Variants in CYP27C1 observed in about 807,000 individuals in gnomAD.
The protein encoded by CYP27C1 is cytochrome P450 27C1.
Under a neutral mutation model 40.6 loss-of-function variants are expected in CYP27C1, and 29 were observed. The ratio of observed to expected loss-of-function variants is 0.71; its 90% CI spans 0.53 to 0.97. The LOEUF is 0.97. Among genes scored for constraint, CYP27C1 ranks in the 50% least tolerant of loss-of-function variants. The pLI is 0.00. For missense variants in CYP27C1, 390 were observed against 485.8 expected (o/e 0.80, Z 1.85); for synonymous variants, 198 against 186.8 (o/e 1.06, Z -0.49).
At position 127,187,234 on chromosome 2, in the gene CYP27C1, C is replaced by T; in HGVS notation, c.*37G>A. Reference sequence around the variant, plus strand: ...CAAATACCCACTGTGTGTCGGCGAGCTGGTCTGCTACATCAGCCCAGGTTT... The same window carrying T: ...CAAATACCCACTGTGTGTCGGCGAGTTGGTCTGCTACATCAGCCCAGGTTT... On this transcript the variant is annotated 3_prime_UTR_variant, in exon 9 of 9. Transcript: ENST00000664447. 1.3e-6 allele frequency: 2 copies of T among 1,540,574 alleles called. No individual in the cohort carries two copies. The highest frequency in any genetic ancestry group is 1.8e-6 in the Non-Finnish European group (2 of 1,113,798).
intron 5 of CYP27C1, among the ~76,000 whole-genome samples, chr2:127,197,327 G>A (rs942909670): frequency 6.6e-6 from 1 of 152,146 alleles, no homozygotes; most frequent in African/African-American, 2.4e-5. Flanking sequence ...TGCTGTGTGG[G>A]TTTGTTTTTG....
Position 127,200,688 on chromosome 2 carries a change from G to A in CYP27C1, c.883+434C>T, listed in dbSNP as rs767735301. On this transcript the variant is annotated intron_variant, in intron 4 of 8. Coordinates refer to ENST00000664447, the MANE Select transcript of CYP27C1 (RefSeq NM_001367502.1). The surrounding 1 kb of genome is among the most constrained non-coding windows in gnomAD (Gnocchi z 4.2). ...TTGAAAAACAAATCCATGGCCAGGC[G>A]TGGTGGCTCACACTTGTAATCCCAG... 2.6e-5 allele frequency among the ~76,000 whole-genome samples: 4 copies of A among 152,052 alleles called. No individual in the cohort carries two copies. The highest frequency in any genetic ancestry group is 1.5e-5 in the Non-Finnish European group (1 of 68,010).
At chr2:127,202,104 A>T (rs1683047788) in intron 3 of CYP27C1, among the ~76,000 whole-genome samples, 1 of 151,502 alleles carries the variant, frequency 6.6e-6, no homozygotes, top group African/African-American at 2.4e-5. Context: ...TTTTACACAA[A>T]CATCACCATG....
intron 1 of CYP27C1, among the ~76,000 whole-genome samples, chr2:127,215,597 T>C (rs1330066458): frequency 6.6e-6 from 1 of 151,964 alleles, no homozygotes; most frequent in Non-Finnish European, 1.5e-5. Flanking sequence ...AGGCCGGCCA[T>C]AATGGCTCAG....
chr2:127,187,771 C>T (rs992197769), intron 8 of CYP27C1, among the ~76,000 whole-genome samples: 2 of 152,168 alleles, frequency 1.3e-5, no homozygotes, highest in Non-Finnish European at 2.9e-5. Flanking sequence ...AGTGAAATTC[C>T]GGGTTTCCTG....
At chr2:127,198,188 C>CACACAA (rs1349705154) in intron 5 of CYP27C1, among the ~76,000 whole-genome samples, 1 of 138,380 alleles carries the variant, frequency 7.2e-6, no homozygotes, top group Admixed American at 7.2e-5. Flanking sequence ...TTTGTTGATA[C>CACACAA]ACACACACAC....
chr2:127,217,501 G>A (rs1165830294), intron 1 of CYP27C1, among the ~76,000 whole-genome samples: 3 of 152,248 alleles, frequency 2.0e-5, no homozygotes, highest in Admixed American at 6.5e-5. Flanking sequence ...TCTCCTTTAC[G>A]GATGAGAAAA....
At position 127,199,409 on chromosome 2, in the gene CYP27C1, G is replaced by T. The variant is rs372803782; in HGVS notation, c.1014C>A (p.Asn338Lys). The T allele has an allele frequency of 2.5e-6, 4 of 1,614,180 alleles. No individual in the cohort carries two copies. Among genetic ancestry groups the T allele is most frequent in the Non-Finnish European group, 3.4e-6 (4 of 1,180,038 alleles). ...QALTLQEIYA[N>K]VTEMLLAGVD... ...CGCCGGCCAGCAGCATCTCAGTCAC[G>T]TTGGCGTAGATCTCCTGCAGCGTCA... The change falls in exon 5 of 9, where the codon AAC becomes AAA. Residue 338 changes from asparagine (N) to lysine (K), a missense_variant. Physicochemically the swap from Asn to Lys is moderately conservative, Grantham distance 94. Coordinates refer to ENST00000664447, the MANE Select transcript of CYP27C1 (RefSeq NM_001367502.1).
rs149169163 is a variant in CYP27C1 at position 127,209,061 on chromosome 2, T to C, written c.283-2971A>G. Among the ~76,000 whole-genome samples, 1,180 of 152,228 alleles carry C rather than the reference T, an allele frequency of 7.8e-3. 20 individuals carry two copies. Among genetic ancestry groups the C allele is most frequent in the African/African-American group, 0.027 (1,133 of 41,530 alleles). ...CACCCAACTGGGTGAGACCCTCCAA[T>C]AGGGGTTGTCAGATACCCTATACAG... is the stretch of plus-strand genomic sequence containing the variant. On this transcript the variant is annotated intron_variant, in intron 1 of 8. Transcript: ENST00000664447. The surrounding 1 kb of genome is among the most constrained non-coding windows in gnomAD (Gnocchi z 4.1).
chr2:127,191,512 A>G (rs1363281489), intron 8 of CYP27C1, among the ~76,000 whole-genome samples: 1 of 152,144 alleles, frequency 6.6e-6, no homozygotes, highest in East Asian at 1.9e-4. Context: ...TGCGGGAGGC[A>G]CAGCAGCATT....
chr2:127,189,642 A>G (rs902070628), intron 8 of CYP27C1, among the ~76,000 whole-genome samples: 2 of 148,704 alleles, frequency 1.3e-5, no homozygotes, highest in Non-Finnish European at 3.0e-5. Flanking sequence ...AAAAAAAGAA[A>G]GGCTCCACTG....
At chr2:127,217,075 G>A (rs1442412427) in intron 1 of CYP27C1, among the ~76,000 whole-genome samples, 3 of 152,216 alleles carry the variant, frequency 2.0e-5, no homozygotes, top group Non-Finnish European at 4.4e-5. Context: ...GAACTACTGG[G>A]AAATGGGCCA....
intron 1 of CYP27C1, among the ~76,000 whole-genome samples, chr2:127,210,206 A>T (rs779257944): frequency 6.6e-6 from 1 of 152,218 alleles, no homozygotes; most frequent in Non-Finnish European, 1.5e-5. Context: ...ATTGGGGGCC[A>T]ATATTCAACA....
Position 127,220,230 on chromosome 2 carries a change from G to A in CYP27C1, c.41C>T (p.Pro14Leu), listed in dbSNP as rs1316570065. Among the ~76,000 whole-genome samples, 1 of 151,384 alleles carries A rather than the reference G, an allele frequency of 6.6e-6. No homozygotes were observed. The highest frequency in any genetic ancestry group is 2.1e-4 in the South Asian group (1 of 4,832). ...CAGGAGCCCACCCCGCTCGGGCGCC[G>A]GCCGCAGCCCGGCTCTCAGGATCCG... ...LARILRAGLR[P>L]APERGGLLGG... Residue 14 changes from proline (P) to leucine (L), a missense_variant, in exon 1 of 9, where the codon CCG (proline) becomes CTG (leucine). Pro to Leu is a moderately conservative substitution (Grantham distance 98, BLOSUM62 -3). Transcript: ENST00000664447. This position sits in a 1 kb window ranked among gnomAD's most constrained non-coding sequence, Gnocchi z 4.6.
At position 127,195,329 on chromosome 2, in the gene CYP27C1, T is replaced by C. The variant is rs2104679321; in HGVS notation, c.1214+6A>G. The C allele has an allele frequency of 6.2e-7, 1 of 1,613,632 alleles. No individual in the cohort carries two copies. Among genetic ancestry groups the C allele is most frequent in the East Asian group, 2.2e-5 (1 of 44,844 alleles). On this transcript the variant is annotated splice_donor_region_variant and intron_variant, in intron 6 of 8. Coordinates refer to ENST00000664447, the MANE Select transcript of CYP27C1 (RefSeq NM_001367502.1). The surrounding 1 kb of genome is among the most constrained non-coding windows in gnomAD (Gnocchi z 6.2). ...GTTTGTTGACGGATTCTGGCGAGCC[T>C]TTTACCTCAGGGTTTCCTTAAGGAG...
Position 127,184,201 on chromosome 2 carries a change from T to G in CYP27C1, c.*3070A>C, listed in dbSNP as rs1239195554. The G allele has an allele frequency of 6.6e-6, 1 of 152,192 alleles. No individual in the cohort carries two copies. Among genetic ancestry groups the G allele is most frequent in the African/African-American group, 2.4e-5 (1 of 41,416 alleles). 9.4% of individuals were successfully genotyped at this position (152,192 alleles called of 1,614,324 possible). On this transcript the variant is annotated 3_prime_UTR_variant, in exon 9 of 9. Transcript: ENST00000664447. ...AAATACACACAGTCAGCATTCAAAT[T>G]TCCCCGAGTTGCTCTCTTTTTTTCA...
In CYP27C1 at chr2:127,201,023, ATCCTCT is replaced by A; in HGVS notation, c.883+93_883+98del. On this transcript the variant is annotated intron_variant, in intron 4 of 8. Transcript: ENST00000664447. This position sits in a 1 kb window ranked among gnomAD's most constrained non-coding sequence, Gnocchi z 6.0. Reference sequence around the variant, plus strand: ...AACTAACACGTGACTACATCTAGGCATCCTCTGCTATGGTCACCCATTGTCTGGATG... The same window carrying A: ...AACTAACACGTGACTACATCTAGGCAGCTATGGTCACCCATTGTCTGGATG... 1 of 1,204,250 alleles carries A rather than the reference ATCCTCT, an allele frequency of 8.3e-7. No homozygotes were observed. The highest frequency in any genetic ancestry group is 1.4e-5 in the South Asian group (1 of 71,424). 74.6% of individuals were successfully genotyped at this position (1,204,250 alleles called of 1,614,324 possible).
chr2:127,203,383 T>C lies in CYP27C1; in HGVS notation c.662A>G (p.Tyr221Cys). ...VTNVNDLFFKYSMEGVATILY... is the reference protein window; with the variant it reads ...VTNVNDLFFKCSMEGVATILY... Reference sequence around the variant, plus strand: ...TGATTCCACCTCACCTTCCATTGAATATTTGAAGAAAAGATCATTGACATT... The same window carrying C: ...TGATTCCACCTCACCTTCCATTGAACATTTGAAGAAAAGATCATTGACATT... The change falls in exon 3 of 9, where the codon TAT becomes TGT. Residue 221 changes from tyrosine (Y) to cysteine (C), a missense_variant. Physicochemically the swap from Tyr to Cys is radical, Grantham distance 194. Transcript: ENST00000664447. 6.2e-7 allele frequency: 1 copy of C among 1,612,636 alleles called. No homozygotes were observed. The highest frequency in any genetic ancestry group is 8.5e-7 in the Non-Finnish European group (1 of 1,179,510).
rs928538294 is a variant in CYP27C1, at chr2:127,196,766, A to G, written c.1048-1265T>C. Among the ~76,000 whole-genome samples, 8 of 152,368 alleles carry G rather than the reference A, an allele frequency of 5.3e-5. No individual in the cohort carries two copies. The highest frequency in any genetic ancestry group is 3.4e-3 in the Middle Eastern group (1 of 294). On this transcript the variant is annotated intron_variant, in intron 5 of 8. Coordinates refer to ENST00000664447, the MANE Select transcript of CYP27C1 (RefSeq NM_001367502.1). This position sits in a 1 kb window ranked among gnomAD's most constrained non-coding sequence, Gnocchi z 4.5. The stretch of plus-strand genomic sequence containing the variant: ...ACAATGGAATACTACTTAGTAATAA[A>G]AAAGAATCAATTACTGTTCTATGCC...
Sources: allele counts gnomAD v4.1 joint callset (sites outside exome capture counted in the v4.1 genomes callset), GRCh38; gene constraint gnomAD v4.1.1; non-coding constraint Gnocchi (gnomAD v3.1); transcripts MANE v1.5; gene names NCBI Gene and HGNC (gene_info 2026-07-23, HGNC 2026-07-21).